The following PTPN22 variants were observed in gnomAD, a reference collection of about 807,000 sequenced individuals.
PTPN22 encodes the protein tyrosine-protein phosphatase non-receptor type 22.
PTPN22 carries 85 observed loss-of-function variants against 103.3 expected under a neutral mutation model. The observed-to-expected ratio is 0.82, with a 90% CI of 0.69 to 0.99. The LOEUF (loss-of-function observed/expected upper bound fraction) is 0.99. PTPN22 is among the 50% of genes least tolerant of loss of function. The pLI is 0.00. For missense variants in PTPN22, 865 were observed against 936.9 expected (o/e 0.92, Z 1.00); for synonymous variants, 323 against 310.2 (o/e 1.04, Z -0.43).
In PTPN22 at chr1:113,829,616, A is replaced by G. The variant is rs754890084; in HGVS notation, c.2226T>C (p.Pro742=). ...CCTTACTCCTTGTGAAACTTTTTCC[A>G]GGAGTCTTCAGTGTCTGTTTTGAAG... is the stretch of plus-strand genomic sequence containing the variant. The change falls in exon 18 of 21, where the codon CCT becomes CCC. Residue 742 remains proline, a synonymous_variant. Transcript: ENST00000359785. 1.5e-5 allele frequency: 24 copies of G among 1,601,452 alleles called. No individual in the cohort carries two copies. The South Asian group carries it at 2.7e-4, about 18-fold the overall frequency.
intron 11 of PTPN22, among the ~76,000 whole-genome samples, chr1:113,839,950 G>A (rs1022874097): frequency 2.0e-5 from 3 of 151,824 alleles, no homozygotes; most frequent in African/African-American, 4.8e-5. Context: ...AGTGGCTCAC[G>A]CCTGTAATCC....
At chr1:113,825,027 A>G (rs1661929714) in intron 19 of PTPN22, 115 bp downstream of exon 19, 1 of 671,798 alleles carries the variant, frequency 1.5e-6, no homozygotes, top group Non-Finnish European at 2.4e-6. Context: ...ATAGGACCCT[A>G]TGGAGGCTCT....
chr1:113,841,596 CT>C (rs35197593), intron 11 of PTPN22, among the ~76,000 whole-genome samples: 335 of 138,474 alleles, frequency 2.4e-3, no homozygotes, highest in Middle Eastern at 0.011. Context: ...GTAAACAACT[CT>C]TTTTTTTTTT....
chr1:113,868,754 G>A (rs528467281), intron 1 of PTPN22, among the ~76,000 whole-genome samples: 30 of 152,272 alleles, frequency 2.0e-4, no homozygotes, highest in African/African-American at 7.2e-4. Flanking sequence ...TAGGGGACCT[G>A]ATGGGGCATG....
intron 16 of PTPN22, among the ~76,000 whole-genome samples, chr1:113,830,832 T>C (rs1662485599): frequency 6.6e-6 from 1 of 152,196 alleles, no homozygotes; most frequent in Non-Finnish European, 1.5e-5. Context: ...ATTACTATTA[T>C]ATTAATTCCT....
At chr1:113,848,501 T>A in intron 11 of PTPN22, 39 bp downstream of exon 11, 1 of 1,608,118 alleles carries the variant, frequency 6.2e-7, no homozygotes, top group Non-Finnish European at 8.5e-7. Context: ...AAAGCAAGTA[T>A]GAAAATTTTT....
At chr1:113,816,368 C>T (rs1461598779) in intron 20 of PTPN22, among the ~76,000 whole-genome samples, 2 of 149,262 alleles carry the variant, frequency 1.3e-5, no homozygotes, top group East Asian at 4.0e-4. Context: ...CCCAGATACT[C>T]AGGAGGCTGA....
In PTPN22 at chr1:113,834,891, C is replaced by T. The variant is rs555826044; in HGVS notation, c.1894+19G>A. On this transcript the variant is annotated intron_variant, in intron 14 of 20. Transcript: ENST00000359785. ...TGCCCATCCCACACTTTATTTTATACTTACTGAACTGTACTCACCAGCTTC... is the reference window on the plus strand; with the variant it reads ...TGCCCATCCCACACTTTATTTTATATTTACTGAACTGTACTCACCAGCTTC... 3 of 1,514,460 alleles carry T rather than the reference C, an allele frequency of 2.0e-6. No individual in the cohort carries two copies. The highest frequency in any genetic ancestry group is 4.1e-5 in the Admixed American group (2 of 48,204). 93.8% of individuals were successfully genotyped at this position (1,514,460 alleles called of 1,614,324 possible). A position where few individuals can be genotyped will look rare whatever the true frequency, so the allele number is the denominator to read the frequency against.
At chr1:113,825,848 G>C (rs962575787) in intron 18 of PTPN22, among the ~76,000 whole-genome samples, 5 of 151,958 alleles carry the variant, frequency 3.3e-5, no homozygotes, top group African/African-American at 1.2e-4. Flanking sequence ...TGAGTAGCTG[G>C]GACTACAGGC....
At chr1:113,836,469 A>C (rs373126875) in intron 13 of PTPN22, among the ~76,000 whole-genome samples, 32 of 152,346 alleles carry the variant, frequency 2.1e-4, no homozygotes, top group African/African-American at 7.7e-4. Flanking sequence ...ACTACAAAAG[A>C]GCAAGAAATC....
intron 19 of PTPN22, among the ~76,000 whole-genome samples, chr1:113,823,762 T>C (rs2101892011): frequency 6.6e-6 from 1 of 152,326 alleles, no homozygotes. Context: ...GCTGTTTTAT[T>C]TCCCCTGTTT....
At position 113,834,895 on chromosome 1, in the gene PTPN22, C is replaced by G. The variant is rs781327769; in HGVS notation, c.1894+15G>C. 6.6e-7 allele frequency: 1 copy of G among 1,523,854 alleles called. No individual in the cohort carries two copies. Among genetic ancestry groups the G allele is most frequent in the Non-Finnish European group, 8.9e-7 (1 of 1,121,458 alleles). The allele number at this position is 1,523,854 out of a possible 1,614,324, so 94.4% of individuals were successfully genotyped here. A position where few individuals can be genotyped will look rare whatever the true frequency, so the allele number is the denominator to read the frequency against. On this transcript the variant is annotated intron_variant, in intron 14 of 20. Transcript: ENST00000359785. The stretch of plus-strand genomic sequence containing the variant: ...CATCCCACACTTTATTTTATACTTA[C>G]TGAACTGTACTCACCAGCTTCCTCA...
At chr1:113,830,371 A>C (rs1292459791) in intron 16 of PTPN22, among the ~76,000 whole-genome samples, 1 of 152,154 alleles carries the variant, frequency 6.6e-6, no homozygotes, top group Admixed American at 6.5e-5. Flanking sequence ...AATTAGCCAA[A>C]TCTAGAAGAC....
chr1:113,832,837 G>C, intron 16 of PTPN22: 1 of 307,334 alleles, frequency 3.3e-6, no homozygotes, highest in South Asian at 3.7e-5. Context: ...AATCTCTATA[G>C]TGGAAAAGCT....
At chr1:113,835,034 G>T in intron 13 of PTPN22, 41 bp from the exon 14 acceptor site, 1 of 1,233,042 alleles carries the variant, frequency 8.1e-7, no homozygotes, top group Middle Eastern at 1.9e-4. Flanking sequence ...TTGTTAATTA[G>T]AACAATCCAA....
chr1:113,818,639 A>G (rs1661353052), intron 20 of PTPN22, among the ~76,000 whole-genome samples: 1 of 152,166 alleles, frequency 6.6e-6, no homozygotes, highest in Admixed American at 6.5e-5. Flanking sequence ...TCTTCCTCAA[A>G]TAGAATTGTG....
chr1:113,815,823 C>T (rs1460037276), intron 20 of PTPN22, among the ~76,000 whole-genome samples: 5 of 152,240 alleles, frequency 3.3e-5, no homozygotes, highest in Non-Finnish European at 4.4e-5. Context: ...GGATTACAGG[C>T]GCCAGCCAAC....
chr1:113,868,690 C>T (rs972990101), intron 1 of PTPN22, among the ~76,000 whole-genome samples: 1 of 151,944 alleles, frequency 6.6e-6, no homozygotes, highest in Non-Finnish European at 1.5e-5. Flanking sequence ...ATATAAAAGT[C>T]AGGATAGTGA....
At chr1:113,838,324 G>A (rs770698422) in exon 13 of PTPN22, 1 of 1,611,714 alleles carries the variant, frequency 6.2e-7, no homozygotes, top group African/African-American at 1.3e-5. Context: ...ACTTATTTCA[G>A]AAGTCCTAAA....
Sources: allele counts gnomAD v4.1 joint callset (sites outside exome capture counted in the v4.1 genomes callset), GRCh38; gene constraint gnomAD v4.1.1; transcripts MANE v1.5; gene names NCBI Gene and HGNC (gene_info 2026-07-23, HGNC 2026-07-21).